Variants in EYS observed in about 807,000 individuals in gnomAD.
EYS encodes the protein protein eyes shut homolog.
A neutral mutation model predicts 282.1 loss-of-function variants in EYS; 250 were observed. That is an observed-to-expected ratio of 0.89 (90% CI 0.80 to 0.98). The LOEUF (loss-of-function observed/expected upper bound fraction) is 0.98, where lower values mean the gene tolerates loss of function less well. Ranked by LOEUF, EYS falls within the 50% of genes least tolerant of loss-of-function variation. EYS has a pLI of 0.00. For synonymous variants in EYS, 1,355 were observed against 1,282.9 expected (o/e 1.06, Z -1.20); for missense variants, 4,016 against 3,709.0 (o/e 1.08, Z -2.15).
chr6:64,567,607 G>A (rs555493250), intron 26 of EYS, among the ~76,000 whole-genome samples: 2 of 152,218 alleles, frequency 1.3e-5, no homozygotes, highest in South Asian at 4.1e-4. Context: ...TAAGAAAAAT[G>A]GAAGTAGAAG....
At chr6:64,793,967 T>C (rs1432426777) in intron 22 of EYS, among the ~76,000 whole-genome samples, 1 of 152,176 alleles carries the variant, frequency 6.6e-6, no homozygotes, top group African/African-American at 2.4e-5. Context: ...TAACAAAAAC[T>C]TTATTCCCAT....
chr6:64,766,685 A>ATATATATATATATATATATAG (rs1773363223), intron 22 of EYS, among the ~76,000 whole-genome samples: 1 of 48,298 alleles, frequency 2.1e-5, no homozygotes. Flanking sequence ...TATATATATA[A>ATATATATATATATATATATAG]AATCTAACAA....
At chr6:64,203,412 GAC>G (rs1205243518) in intron 31 of EYS, among the ~76,000 whole-genome samples, 1 of 152,152 alleles carries the variant, frequency 6.6e-6, no homozygotes, top group East Asian at 1.9e-4. Flanking sequence ...CCAGAGTGAG[GAC>G]ATATAGAAGA....
rs984289489 is a variant in EYS at position 65,545,961 on chromosome 6, C to T, written c.-332-49968G>A. Reference sequence around the variant, plus strand: ...TTATATTATTTAGCAAACTTATAAGCATCTTGGCAAACCTTTTTAGATTTG... The same window carrying T: ...TTATATTATTTAGCAAACTTATAAGTATCTTGGCAAACCTTTTTAGATTTG... On this transcript the variant is annotated intron_variant, in intron 2 of 42. Coordinates refer to ENST00000503581, the MANE Select transcript of EYS (RefSeq NM_001142800.2). Among the ~76,000 whole-genome samples the T allele has an allele frequency of 2.0e-5, 3 of 151,730 alleles. No homozygotes were observed. The South Asian group carries it at 6.2e-4, about 31-fold the overall frequency.
At chr6:64,794,432 G>C (rs1774291386) in intron 22 of EYS, among the ~76,000 whole-genome samples, 1 of 152,224 alleles carries the variant, frequency 6.6e-6, no homozygotes, top group East Asian at 1.9e-4. Flanking sequence ...GTTTTCACAA[G>C]ATCTGGTTGT....
At chr6:65,706,132 A>T (rs1044799027) in intron 1 of EYS, among the ~76,000 whole-genome samples, 1 of 151,714 alleles carries the variant, frequency 6.6e-6, no homozygotes, top group African/African-American at 2.4e-5. Context: ...ATCACATTTA[A>T]TAATTTTAGG....
intron 15 of EYS, among the ~76,000 whole-genome samples, chr6:64,914,014 C>G (rs1768085455): frequency 6.6e-6 from 1 of 152,098 alleles, no homozygotes; most frequent in African/African-American, 2.4e-5. Flanking sequence ...TTTGGCTAGT[C>G]ATCATCCATG....
chr6:65,221,441 T>C (rs1399210226), intron 12 of EYS, among the ~76,000 whole-genome samples: 1 of 152,190 alleles, frequency 6.6e-6, no homozygotes, highest in Non-Finnish European at 1.5e-5. Flanking sequence ...GCTCAGGCCA[T>C]TGCTTCAGAG....
At chr6:64,994,060 C>G (rs1771166745) in intron 14 of EYS, among the ~76,000 whole-genome samples, 1 of 151,632 alleles carries the variant, frequency 6.6e-6, no homozygotes, top group South Asian at 2.1e-4. Context: ...AGGGGAAATA[C>G]TAGATTAATT....
At chr6:64,691,226 C>G (rs1299226839) in intron 22 of EYS, among the ~76,000 whole-genome samples, 2 of 152,064 alleles carry the variant, frequency 1.3e-5, no homozygotes, top group East Asian at 1.9e-4. Flanking sequence ...ACTATGCAGT[C>G]TTTAAGGTCA....
chr6:64,670,489 C>G (rs1390686992), intron 22 of EYS, among the ~76,000 whole-genome samples: 2 of 151,488 alleles, frequency 1.3e-5, no homozygotes, highest in East Asian at 3.9e-4. Flanking sequence ...ACAGGCAGAA[C>G]CGTGTTACGT....
intron 29 of EYS, among the ~76,000 whole-genome samples, chr6:64,323,372 C>T (rs924696617): frequency 2.0e-5 from 3 of 152,002 alleles, no homozygotes; most frequent in Admixed American, 6.6e-5. Flanking sequence ...TTTTAATTGC[C>T]GAATAACATT....
intron 13 of EYS, among the ~76,000 whole-genome samples, chr6:65,023,359 T>C (rs1772304897): frequency 6.6e-6 from 1 of 152,194 alleles, no homozygotes; most frequent in African/African-American, 2.4e-5. Flanking sequence ...ATGATTATTT[T>C]TCTCCACCAC....
chr6:64,339,968 G>A (rs1281906013), intron 29 of EYS, among the ~76,000 whole-genome samples: 1 of 151,446 alleles, frequency 6.6e-6, no homozygotes, highest in Non-Finnish European at 1.5e-5. Flanking sequence ...CGGGTTGTAG[G>A]TCCACCAAAA....
Position 65,074,220 on chromosome 6 carries a change from T to C in EYS, c.2024-16493A>G, listed in dbSNP as rs115987184. ...CTTTGAGACTACAATATGCCGACTCTATGGTAAATACTGGTCCTGAACTCT... is the reference window on the plus strand; with the variant it reads ...CTTTGAGACTACAATATGCCGACTCCATGGTAAATACTGGTCCTGAACTCT... On this transcript the variant is annotated intron_variant, in intron 12 of 42. Transcript: ENST00000503581. Among the ~76,000 whole-genome samples, 945 of 152,176 alleles carry C rather than the reference T, an allele frequency of 6.2e-3. 10 individuals carry two copies. Among genetic ancestry groups the C allele is most frequent in the African/African-American group, 0.022 (897 of 41,554 alleles).
chr6:63,934,154 C>T (rs973932889), intron 35 of EYS, among the ~76,000 whole-genome samples: 1 of 152,190 alleles, frequency 6.6e-6, no homozygotes, highest in Non-Finnish European at 1.5e-5. Context: ...AAAAAATGCT[C>T]ATCATCACTG....
chr6:65,381,111 A>G (rs915897391), intron 8 of EYS, among the ~76,000 whole-genome samples: 1 of 152,148 alleles, frequency 6.6e-6, no homozygotes, highest in Non-Finnish European at 1.5e-5. Flanking sequence ...CAATCCCATT[A>G]CTAAGTATAT....
chr6:65,264,251 A>G (rs1767694630), intron 12 of EYS, among the ~76,000 whole-genome samples: 1 of 152,146 alleles, frequency 6.6e-6, no homozygotes, highest in Non-Finnish European at 1.5e-5. Flanking sequence ...TAACATTCAA[A>G]TATTTATTTC....
chr6:65,332,438 A>G (rs1769831920), intron 11 of EYS: 2 of 1,382,114 alleles, frequency 1.4e-6, no homozygotes, highest in East Asian at 2.5e-5. Context: ...ATTTGGGAAG[A>G]ATTAATATTT....
Sources: gnomAD v4.1 joint callset for allele counts (sites outside exome capture counted in the v4.1 genomes callset) on GRCh38, gnomAD v4.1.1 for gene constraint, MANE v1.5 for transcripts, NCBI Gene and HGNC (gene_info 2026-07-23, HGNC 2026-07-21) for gene names.